Variants in DLG2 observed in about 807,000 individuals in gnomAD.
DLG2 encodes the protein discs large MAGUK scaffold protein 2.
In DLG2, 45 loss-of-function variants were observed where a neutral mutation model predicts 132.5. The observed-to-expected ratio is 0.34, with a 90% CI of 0.27 to 0.44. The LOEUF is 0.44. DLG2 is among the 20% of genes least tolerant of loss of function. The probability of loss-of-function intolerance (pLI) is 1.00; values close to 1 mark genes in which losing one functional copy is unlikely to be tolerated. For synonymous variants in DLG2, 424 were observed against 419.6 expected, an observed-to-expected ratio of 1.01 and a Z score of -0.13; for missense variants, 1,045 against 1,196.9, an observed-to-expected ratio of 0.87 and a Z score of 1.87.
intron 21 of DLG2, among the ~76,000 whole-genome samples, chr11:83,511,087 G>GACACACACACCCACACAC: frequency 7.2e-6 from 1 of 138,552 alleles, no homozygotes; most frequent in Non-Finnish European, 1.5e-5. Context: ...CACACACACA[G>GACACACACACCCACACAC]ACACACACAC....
In DLG2 at chr11:84,062,736, A is replaced by ATTTTT. The variant is rs35921216; in HGVS notation, c.750-3257_750-3253dup. ...CAGACACTCAGAGTTGATTGTTTTA[A>ATTTTT]TTTTTTTTTTTAATGGTGGTGTTTG... is the stretch of plus-strand genomic sequence containing the variant. On this transcript the variant is annotated intron_variant, in intron 10 of 27. Transcript: ENST00000376104. 4.7e-5 allele frequency among the ~76,000 whole-genome samples: 7 copies of ATTTTT among 149,236 alleles called. No homozygotes were observed. In the South Asian group the frequency reaches 6.4e-4, roughly 14 times the overall value.
intron 7 of DLG2, among the ~76,000 whole-genome samples, chr11:84,349,321 T>G (rs751955182): frequency 4.6e-5 from 7 of 152,142 alleles, no homozygotes; most frequent in Non-Finnish European, 8.8e-5. Context: ...GGCCACCCCC[T>G]GCCCCCACCT....
chr11:84,386,713 G>A (rs1370424814), intron 7 of DLG2, among the ~76,000 whole-genome samples: 1 of 151,950 alleles, frequency 6.6e-6, no homozygotes, highest in Non-Finnish European at 1.5e-5. Flanking sequence ...CCAATGTCAC[G>A]AACCTTGGAT....
intron 6 of DLG2, among the ~76,000 whole-genome samples, chr11:84,680,856 T>C (rs1940098): frequency 0.22 from 33,031 of 152,180 alleles, 3,910 homozygotes; most frequent in African/African-American, 0.28. Context: ...TACTAACTTT[T>C]TAAATGCTAG....
rs540587717 is a variant in DLG2, at chr11:85,044,801, C to A, written c.357+66860G>T. Among the ~76,000 whole-genome samples the A allele has an allele frequency of 1.2e-4, 18 of 152,148 alleles. No homozygotes were observed. In the South Asian group the frequency reaches 3.7e-3, roughly 32 times the overall value. On this transcript the variant is annotated intron_variant, in intron 6 of 27. Coordinates refer to ENST00000376104, the MANE Select transcript of DLG2 (RefSeq NM_001142699.3). ...ATTCCAAATTCTCATTTCTCAGAATCTCTTCAAAAATAATTTAAAAGTCAG... is the reference window on the plus strand; with the variant it reads ...ATTCCAAATTCTCATTTCTCAGAATATCTTCAAAAATAATTTAAAAGTCAG...
chr11:84,927,669 TTA>T (rs1421319230), intron 6 of DLG2, among the ~76,000 whole-genome samples: 1 of 152,010 alleles, frequency 6.6e-6, no homozygotes, highest in African/African-American at 2.4e-5. Flanking sequence ...CAATAAAACT[TTA>T]TTATTGATAA....
intron 7 of DLG2, among the ~76,000 whole-genome samples, chr11:84,346,576 T>C (rs934861063): frequency 2.0e-5 from 3 of 152,240 alleles, no homozygotes; most frequent in African/African-American, 7.2e-5. Flanking sequence ...ATCTGGAGAC[T>C]GCAGTTTTCT....
chr11:84,322,305 T>G (rs2098409245), intron 7 of DLG2, among the ~76,000 whole-genome samples: 1 of 152,220 alleles, frequency 6.6e-6, no homozygotes, highest in Non-Finnish European at 1.5e-5. Flanking sequence ...GTGGCATAAG[T>G]GTATGAACTC....
chr11:83,600,234 A>AGG lies in DLG2; in HGVS notation c.1940+32975_1940+32976dup, dbSNP rs1249642421. ...AAGATGAGTTCACACAGCTAGCTAT[A>AGG]GGGTGTGTGTGTGTGTGTGTGTGTG... On this transcript the variant is annotated intron_variant, in intron 19 of 27. Transcript: ENST00000376104. 7.8e-5 allele frequency among the ~76,000 whole-genome samples: 6 copies of AGG among 76,632 alleles called. No individual in the cohort carries two copies. The East Asian group carries it at 1.0e-3, about 13-fold the overall frequency. 50.3% of individuals were successfully genotyped at this position (76,632 alleles called of 152,430 possible).
chr11:84,154,629 CT>C (rs2095386876), intron 9 of DLG2, among the ~76,000 whole-genome samples: 1 of 152,156 alleles, frequency 6.6e-6, no homozygotes, highest in Admixed American at 6.5e-5. Context: ...GGTATATCTC[CT>C]AATGCTATCC....
chr11:84,080,462 T>C (rs1189679691), intron 10 of DLG2, among the ~76,000 whole-genome samples: 1 of 152,182 alleles, frequency 6.6e-6, no homozygotes, highest in Non-Finnish European at 1.5e-5. Flanking sequence ...GCAGAGGTGA[T>C]GAGTTTATGG....
intron 18 of DLG2, among the ~76,000 whole-genome samples, chr11:83,733,989 T>G (rs1398182998): frequency 6.6e-6 from 1 of 150,732 alleles, no homozygotes; most frequent in Admixed American, 6.6e-5. Context: ...CACACATTAT[T>G]TAGCTCCTAC....
At chr11:83,743,722 C>A (rs1356318189) in intron 18 of DLG2, among the ~76,000 whole-genome samples, 2 of 152,140 alleles carry the variant, frequency 1.3e-5, no homozygotes, top group African/African-American at 2.4e-5. Flanking sequence ...GCATGAGTGA[C>A]TGCTCCTAGC....
intron 7 of DLG2, among the ~76,000 whole-genome samples, chr11:84,451,242 G>A (rs2099050764): frequency 6.6e-6 from 1 of 151,562 alleles, no homozygotes; most frequent in Admixed American, 6.6e-5. Context: ...AATATTATAG[G>A]CTGCATCTAA....
At chr11:83,902,801 A>G (rs1337716397) in intron 15 of DLG2, among the ~76,000 whole-genome samples, 3 of 152,182 alleles carry the variant, frequency 2.0e-5, no homozygotes, top group East Asian at 1.9e-4. Flanking sequence ...AGGATAAAAA[A>G]GCAGGGTATG....
At chr11:83,742,129 A>T (rs2092565345) in intron 18 of DLG2, among the ~76,000 whole-genome samples, 1 of 152,014 alleles carries the variant, frequency 6.6e-6, no homozygotes, top group Non-Finnish European at 1.5e-5. Context: ...TTTCTGAATA[A>T]ACAAATGGGT....
chr11:84,945,694 C>A (rs538375046), intron 6 of DLG2, among the ~76,000 whole-genome samples: 5 of 152,254 alleles, frequency 3.3e-5, no homozygotes, highest in Non-Finnish European at 7.4e-5. Context: ...TCCAGAAATG[C>A]CATGTGTTAG....
At chr11:84,420,738 G>A (rs1205805376) in intron 7 of DLG2, among the ~76,000 whole-genome samples, 12 of 127,992 alleles carry the variant, frequency 9.4e-5, no homozygotes, top group African/African-American at 2.7e-4. Flanking sequence ...GCGGGATCTC[G>A]GCTCACTGCA....
At chr11:84,974,404 T>C (rs528018601) in intron 6 of DLG2, among the ~76,000 whole-genome samples, 147 of 152,324 alleles carry the variant, frequency 9.7e-4, no homozygotes, top group Middle Eastern at 6.8e-3. Context: ...TTAGGTAATT[T>C]AGTTAACTTT....
Sources: gnomAD v4.1 joint callset for allele counts (sites outside exome capture counted in the v4.1 genomes callset) on GRCh38, gnomAD v4.1.1 for gene constraint, MANE v1.5 for transcripts, NCBI Gene and HGNC (gene_info 2026-07-23, HGNC 2026-07-21) for gene names.